The following RBM18 variants were observed in gnomAD, a reference collection of about 807,000 sequenced individuals.
The protein encoded by RBM18 is RNA binding motif protein 18.
In RBM18, 18 loss-of-function variants were observed where a neutral mutation model predicts 26.4. The ratio of observed to expected loss-of-function variants is 0.68; its 90% CI spans 0.47 to 1.01. The LOEUF is 1.01. Ranked by LOEUF, RBM18 falls within the 50% of genes least tolerant of loss-of-function variation. The probability of loss-of-function intolerance (pLI) is 0.00; values close to 1 mark genes in which losing one functional copy is unlikely to be tolerated. For missense variants in RBM18, 180 were observed against 219.2 expected, an observed-to-expected ratio of 0.82 and a Z score of 1.13; for synonymous variants, 74 against 81.1, an observed-to-expected ratio of 0.91 and a Z score of 0.47.
intron 4 of RBM18, among the ~76,000 whole-genome samples, chr9:122,246,820 C>T (rs868381640): frequency 6.6e-6 from 1 of 152,164 alleles, no homozygotes; most frequent in Non-Finnish European, 1.5e-5. Flanking sequence ...TTCAAGTCCC[C>T]ACTGCAGAAG....
rs936823507 is a variant in RBM18 at position 122,238,490 on chromosome 9, T to A, written c.*3394A>T. 1.3e-5 allele frequency: 2 copies of A among 152,192 alleles called. No homozygotes were observed. Among genetic ancestry groups the A allele is most frequent in the Admixed American group, 1.3e-4 (2 of 15,280 alleles). 9.4% of individuals were successfully genotyped at this position (152,192 alleles called of 1,614,324 possible). ...ACATGAGTCAGGTGAGAGAGCGGGC[T>A]CTGCGGCTATCTGGAGAAAGAGCGT... is the stretch of plus-strand genomic sequence containing the variant. On this transcript the variant is annotated 3_prime_UTR_variant, in exon 6 of 6. Transcript: ENST00000417201.
chr9:122,260,878 A>C (rs559856099), intron 2 of RBM18, among the ~76,000 whole-genome samples: 3 of 152,340 alleles, frequency 2.0e-5, no homozygotes, highest in Non-Finnish European at 4.4e-5. Flanking sequence ...CTTGGCACTC[A>C]AATCATTTAA....
chr9:122,264,123 G>A (rs1831898826), intron 1 of RBM18, among the ~76,000 whole-genome samples: 1 of 152,184 alleles, frequency 6.6e-6, no homozygotes, highest in African/African-American at 2.4e-5. Flanking sequence ...TAAGTACACT[G>A]CCTGTCTCAC....
intron 5 of RBM18, among the ~76,000 whole-genome samples, chr9:122,243,375 C>T (rs948536584): frequency 5.9e-5 from 9 of 152,310 alleles, no homozygotes; most frequent in African/African-American, 2.2e-4. Flanking sequence ...TCAAGGTTCA[C>T]ACAGTTAACA....
In RBM18 at chr9:122,254,027, C is replaced by CA. The variant is rs561923338; in HGVS notation, c.114-2055dup. ...TGGGCGACAGAGCAAGATTCCGTCTCAAAAAAAAAAAAGAAAAAAAACCCA... is the reference window on the plus strand; with the variant it reads ...TGGGCGACAGAGCAAGATTCCGTCTCAAAAAAAAAAAAAGAAAAAAAACCCA... On this transcript the variant is annotated intron_variant, in intron 2 of 5. Coordinates refer to ENST00000417201, the MANE Select transcript of RBM18 (RefSeq NM_033117.4). 8.2e-3 allele frequency among the ~76,000 whole-genome samples: 714 copies of CA among 86,636 alleles called. 4 individuals are homozygous for CA. Among genetic ancestry groups the CA allele is most frequent in the Middle Eastern group, 0.049 (7 of 142 alleles). The allele number at this position is 86,636 out of a possible 152,430, so 56.8% of individuals were successfully genotyped here.
intron 3 of RBM18, among the ~76,000 whole-genome samples, chr9:122,248,656 G>A (rs1303546964): frequency 6.6e-6 from 1 of 152,208 alleles, no homozygotes; most frequent in Non-Finnish European, 1.5e-5. Context: ...CTGGCTAACA[G>A]TCACTCTAGG....
chr9:122,252,005 C>G, intron 2 of RBM18, 32 bp from the exon 3 acceptor site: 1 of 1,609,172 alleles, frequency 6.2e-7, no homozygotes, highest in Non-Finnish European at 8.5e-7. Flanking sequence ...TGAGTATGCT[C>G]TGGGAATTCT....
rs1299790392 is a variant in RBM18 at position 122,256,065 on chromosome 9, CAAA to C, written c.114-4095_114-4093del. Among the ~76,000 whole-genome samples the C allele has an allele frequency of 2.0e-5, 3 of 151,456 alleles. No homozygotes were observed. The East Asian group carries it at 5.8e-4, about 29-fold the overall frequency. On this transcript the variant is annotated intron_variant, in intron 2 of 5. Transcript: ENST00000417201. ...ACAACAACAACAACAACAACAACAA[CAAA>C]AACCAAACCCACATCACTTTCATGA...
In RBM18 at chr9:122,239,477, C is replaced by G. The variant is rs897564927; in HGVS notation, c.*2407G>C. ...TGAAGAAAATAGTTCATACGTCTCT[C>G]CTCAGTATTTCCTTCAATTCTTCAC... is the stretch of plus-strand genomic sequence containing the variant. On this transcript the variant is annotated 3_prime_UTR_variant, in exon 6 of 6. Coordinates refer to ENST00000417201, the MANE Select transcript of RBM18 (RefSeq NM_033117.4). 1 of 152,162 alleles carries G rather than the reference C, an allele frequency of 6.6e-6. No homozygotes were observed. Among genetic ancestry groups the G allele is most frequent in the Admixed American group, 6.5e-5 (1 of 15,280 alleles). The allele number at this position is 152,162 out of a possible 1,614,324, so 9.4% of individuals were successfully genotyped here. A position where few individuals can be genotyped will look rare whatever the true frequency, so the allele number is the denominator to read the frequency against.
intron 2 of RBM18, among the ~76,000 whole-genome samples, chr9:122,253,680 C>A (rs564191517): frequency 1.3e-5 from 2 of 151,304 alleles, no homozygotes; most frequent in East Asian, 3.9e-4. Flanking sequence ...AATCTTAACA[C>A]CGTGCCAGTT....
At chr9:122,253,967 G>A (rs1270868542) in intron 2 of RBM18, among the ~76,000 whole-genome samples, 1 of 151,142 alleles carries the variant, frequency 6.6e-6, no homozygotes, top group Non-Finnish European at 1.5e-5. Flanking sequence ...GGCAGAGGTT[G>A]CAGTGAACCG....
rs1831402449 is a variant in RBM18 at position 122,240,680 on chromosome 9, C to T, written c.*1204G>A. On this transcript the variant is annotated 3_prime_UTR_variant, in exon 6 of 6. Transcript: ENST00000417201. ...CCAAAATGTGCTGAAGAAACACATC[C>T]CTAAATCTGTTGGTTGACTTATCTT... 1 of 152,152 alleles carries T rather than the reference C, an allele frequency of 6.6e-6. No homozygotes were observed. Among genetic ancestry groups the T allele is most frequent in the African/African-American group, 2.4e-5 (1 of 41,426 alleles). The allele number at this position is 152,152 out of a possible 1,614,324, so 9.4% of individuals were successfully genotyped here.
intron 2 of RBM18, among the ~76,000 whole-genome samples, chr9:122,252,919 G>A (rs558979490): frequency 2.6e-5 from 4 of 152,226 alleles, no homozygotes; most frequent in South Asian, 4.1e-4. Context: ...AGGTTGCTGC[G>A]GCCAATCTCA....
intron 5 of RBM18, among the ~76,000 whole-genome samples, 155 bp from the exon 6 acceptor site, chr9:122,242,198 T>C (rs1160430434): frequency 6.6e-6 from 1 of 152,210 alleles, no homozygotes; most frequent in Non-Finnish European, 1.5e-5. Context: ...CAGAAATAAC[T>C]AATTCTCTCA....
intron 4 of RBM18, 49 bp downstream of exon 4, chr9:122,247,469 A>G: frequency 6.7e-7 from 1 of 1,501,218 alleles, no homozygotes; most frequent in South Asian, 1.1e-5. Flanking sequence ...ATCTTTCAGA[A>G]GGCTTGTTTA....
At chr9:122,259,442 T>C (rs1178146148) in intron 2 of RBM18, among the ~76,000 whole-genome samples, 1 of 152,126 alleles carries the variant, frequency 6.6e-6, no homozygotes, top group Admixed American at 6.5e-5. Context: ...TCAAAAGCCA[T>C]GAACCGTAAA....
intron 2 of RBM18, among the ~76,000 whole-genome samples, chr9:122,255,529 C>T (rs1831678619): frequency 6.6e-6 from 1 of 152,182 alleles, no homozygotes; most frequent in Non-Finnish European, 1.5e-5. Context: ...CTGCCACAAA[C>T]TGATGATCCT....
intron 3 of RBM18, among the ~76,000 whole-genome samples, chr9:122,247,972 G>A (rs1195151779): frequency 6.6e-6 from 1 of 151,910 alleles, no homozygotes; most frequent in Non-Finnish European, 1.5e-5. Flanking sequence ...TTTTTTAGTA[G>A]AGACGGGGTT....
chr9:122,258,908 C>CAAAAA (rs11453707), intron 2 of RBM18, among the ~76,000 whole-genome samples: 6 of 109,298 alleles, frequency 5.5e-5, no homozygotes, highest in South Asian at 3.1e-4. Context: ...ACAGAGCTGT[C>CAAAAA]AAAAAAAAAA....
Sources: gnomAD v4.1 joint callset for allele counts (sites outside exome capture counted in the v4.1 genomes callset) on GRCh38, gnomAD v4.1.1 for gene constraint, MANE v1.5 for transcripts, NCBI Gene and HGNC (gene_info 2026-07-23, HGNC 2026-07-21) for gene names.